The following MSRA variants were observed in gnomAD, a reference collection of about 807,000 sequenced individuals.
MSRA encodes the protein mitochondrial peptide methionine sulfoxide reductase.
In MSRA, 54 loss-of-function variants were observed where a neutral mutation model predicts 31.3. The observed-to-expected ratio is 1.73, with a 90% CI of 1.39 to 2.17. The LOEUF (loss-of-function observed/expected upper bound fraction) is 2.17. Ranked by LOEUF, MSRA falls within the 30% of genes most tolerant of loss-of-function variation. The pLI, the probability that MSRA is intolerant of heterozygous loss-of-function variation, is 0.00. For synonymous variants in MSRA, 169 were observed against 116.5 expected, an observed-to-expected ratio of 1.45 and a Z score of -2.90; for missense variants, 507 against 300.9, an observed-to-expected ratio of 1.69 and a Z score of -5.07.
Position 10,428,512 on chromosome 8 carries a change from T to G in MSRA, c.*200T>G. On this transcript the variant is annotated 3_prime_UTR_variant, in exon 6 of 6. Coordinates refer to ENST00000317173, the MANE Select transcript of MSRA (RefSeq NM_012331.5). Reference sequence around the variant, plus strand: ...ATGTGACTTATCTCCTAATAAGTTATGGTGGGAGTGGAGCTGTGCAGTTTC... The same window carrying G: ...ATGTGACTTATCTCCTAATAAGTTAGGGTGGGAGTGGAGCTGTGCAGTTTC... 1.7e-6 allele frequency: 1 copy of G among 572,926 alleles called. No individual in the cohort carries two copies. Among genetic ancestry groups the G allele is most frequent in the Non-Finnish European group, 3.0e-6 (1 of 329,872 alleles). The allele number at this position is 572,926 out of a possible 1,614,324, so 35.5% of individuals were successfully genotyped here. A position where few individuals can be genotyped will look rare whatever the true frequency, so the allele number is the denominator to read the frequency against.
At chr8:10,336,220 A>C (rs1213509707) in intron 5 of MSRA, among the ~76,000 whole-genome samples, 1 of 152,224 alleles carries the variant, frequency 6.6e-6, no homozygotes, top group Non-Finnish European at 1.5e-5. Context: ...CAAACACAAA[A>C]TCTTTTAATA....
intron 5 of MSRA, among the ~76,000 whole-genome samples, chr8:10,398,438 C>T (rs1313982424): frequency 2.0e-5 from 3 of 152,218 alleles, no homozygotes; most frequent in Non-Finnish European, 2.9e-5. Flanking sequence ...CTGCAGCCTT[C>T]GTTGTGGAAG....
At position 10,058,169 on chromosome 8, in the gene MSRA, A is replaced by C. The variant is rs180908138; in HGVS notation, c.142+3511A>C. Among the ~76,000 whole-genome samples the C allele has an allele frequency of 4.5e-3, 687 of 152,306 alleles. 22 individuals carry two copies. The highest frequency in any genetic ancestry group is 8.5e-4 in the Non-Finnish European group (58 of 68,028). On this transcript the variant is annotated intron_variant, in intron 1 of 5. Coordinates refer to ENST00000317173, the MANE Select transcript of MSRA (RefSeq NM_012331.5). ...AACATGTTAAAAACAGATGTAGAGC[A>C]CCATCAGAAGGTATTCTCTTTTAAG...
At chr8:10,231,257 C>A (rs1811450710) in intron 2 of MSRA, among the ~76,000 whole-genome samples, 1 of 152,066 alleles carries the variant, frequency 6.6e-6, no homozygotes, top group African/African-American at 2.4e-5. Flanking sequence ...CTGTCACCGT[C>A]TAGCTGGGAA....
At chr8:10,316,527 CCTCTCTCTCT>C (rs139421344) in intron 4 of MSRA, among the ~76,000 whole-genome samples, 4,053 of 112,472 alleles carry the variant, frequency 0.036, 152 homozygotes, top group African/African-American at 0.083. Flanking sequence ...TTTGATGATC[CCTCTCTCTCT>C]CTCTCTCTCT....
At chr8:10,395,136 C>A (rs557147334) in intron 5 of MSRA, among the ~76,000 whole-genome samples, 2 of 152,152 alleles carry the variant, frequency 1.3e-5, no homozygotes, top group Admixed American at 6.5e-5. Context: ...CAGGAGGAAG[C>A]GTTGGAGCCT....
chr8:10,114,609 A>G (rs1042497492), intron 1 of MSRA, among the ~76,000 whole-genome samples: 2 of 152,130 alleles, frequency 1.3e-5, no homozygotes, highest in African/African-American at 4.8e-5. Flanking sequence ...CACAGTTGGG[A>G]TTTTGCTAGA....
intron 1 of MSRA, among the ~76,000 whole-genome samples, chr8:10,080,694 T>A (rs76027161): frequency 5.9e-4 from 2 of 3,376 alleles, no homozygotes; most frequent in Admixed American, 0.023. Context: ...CCTGGCTAAT[T>A]TTTTTTTTTT....
At chr8:10,199,535 G>A (rs1222153340) in intron 1 of MSRA, among the ~76,000 whole-genome samples, 1 of 151,986 alleles carries the variant, frequency 6.6e-6, no homozygotes, top group Admixed American at 6.6e-5. Flanking sequence ...GGCCAGGATG[G>A]CGTCGCTCTC....
intron 1 of MSRA, among the ~76,000 whole-genome samples, chr8:10,085,781 C>A (rs1376352224): frequency 2.6e-5 from 4 of 152,188 alleles, no homozygotes; most frequent in Non-Finnish European, 5.9e-5. Flanking sequence ...AACAATTGAT[C>A]TGCTTTCTGT....
intron 1 of MSRA, among the ~76,000 whole-genome samples, chr8:10,159,250 G>T (rs773081974): frequency 6.6e-6 from 1 of 152,230 alleles, no homozygotes; most frequent in African/African-American, 2.4e-5. Flanking sequence ...GGGCACCTGC[G>T]TGAGGCCATC....
At chr8:10,158,549 A>G (rs1804369367) in intron 1 of MSRA, among the ~76,000 whole-genome samples, 1 of 152,256 alleles carries the variant, frequency 6.6e-6, no homozygotes. Context: ...TCAGTGCTTC[A>G]GTCCCTTTGA....
intron 2 of MSRA, among the ~76,000 whole-genome samples, chr8:10,223,527 G>T (rs1457307838): frequency 6.6e-6 from 1 of 152,168 alleles, no homozygotes; most frequent in African/African-American, 2.4e-5. Flanking sequence ...CAGTGAATTT[G>T]AAGACAGGTC....
At chr8:10,321,931 G>A (rs1046661772) in intron 5 of MSRA, among the ~76,000 whole-genome samples, 2 of 152,194 alleles carry the variant, frequency 1.3e-5, no homozygotes, top group African/African-American at 4.8e-5. Context: ...GATAATAAAT[G>A]TATATACTTT....
intron 1 of MSRA, among the ~76,000 whole-genome samples, chr8:10,193,111 A>G (rs2129054192): frequency 6.6e-6 from 1 of 152,292 alleles, no homozygotes; most frequent in East Asian, 1.9e-4. Flanking sequence ...TCTCCTCGAA[A>G]TCAGATTTAC....
At chr8:10,087,220 A>G (rs1044887053) in intron 1 of MSRA, among the ~76,000 whole-genome samples, 3 of 152,176 alleles carry the variant, frequency 2.0e-5, no homozygotes, top group Non-Finnish European at 4.4e-5. Context: ...TATAAATACA[A>G]CAAATACCTA....
intron 5 of MSRA, chr8:10,411,198 C>T: frequency 6.6e-6 from 1 of 152,208 alleles, no homozygotes; most frequent in East Asian, 1.9e-4. Context: ...GATGCTGTTG[C>T]TGAAACTGCT....
chr8:10,075,609 C>G (rs532550141), intron 1 of MSRA, among the ~76,000 whole-genome samples: 2 of 152,122 alleles, frequency 1.3e-5, no homozygotes, highest in African/African-American at 2.4e-5. Flanking sequence ...TAAAGAGATC[C>G]ACAGTTATCT....
intron 5 of MSRA, among the ~76,000 whole-genome samples, chr8:10,389,642 G>C (rs1563424553): frequency 6.6e-6 from 1 of 151,722 alleles, no homozygotes; most frequent in African/African-American, 2.4e-5. Flanking sequence ...TCCTGCCCTT[G>C]CCCTAGAGGG....
Sources: gnomAD v4.1 joint callset for allele counts (sites outside exome capture counted in the v4.1 genomes callset) on GRCh38, gnomAD v4.1.1 for gene constraint, MANE v1.5 for transcripts, NCBI Gene and HGNC (gene_info 2026-07-23, HGNC 2026-07-21) for gene names.